Variants in SMG7 observed in about 807,000 individuals in gnomAD.
SMG7 encodes SMG7 nonsense mediated mRNA decay factor.
SMG7 carries 34 observed loss-of-function variants against 148.2 expected under a neutral mutation model. The observed-to-expected ratio is 0.23, with a 90% CI of 0.17 to 0.31. The LOEUF is 0.31. Ranked by LOEUF, SMG7 falls within the 10% of genes least tolerant of loss-of-function variation. SMG7 has a pLI of 1.00. For missense variants in SMG7, 1,114 were observed against 1,408.4 expected, an observed-to-expected ratio of 0.79 and a Z score of 3.35; for synonymous variants, 492 against 515.1, an observed-to-expected ratio of 0.96 and a Z score of 0.61.
intron 10 of SMG7, among the ~76,000 whole-genome samples, chr1:183,534,726 G>A (rs1346629186): frequency 6.6e-6 from 1 of 152,018 alleles, no homozygotes; most frequent in African/African-American, 2.4e-5. Flanking sequence ...TATTAGCCAG[G>A]CATTGTGGCA....
chr1:183,544,451 C>T lies in SMG7; in HGVS notation c.1941C>T (p.Ile647=), dbSNP rs1202552751. The T allele has an allele frequency of 1.2e-6, 2 of 1,613,966 alleles. No homozygotes were observed. The highest frequency in any genetic ancestry group is 3.3e-5 in the Admixed American group (2 of 60,028). ...TPTQASNSQF[I]PIHHPGAFPP... is the part of the protein sequence containing the mutation. ...CTCAAGCAAGTAACTCCCAGTTCAT[C>T]CCCATTCATCACCCTGGAGCCTTCC... The change falls in exon 15 of 23, where the codon ATC becomes ATT. Residue 647 remains isoleucine, a synonymous_variant. Coordinates refer to ENST00000688051, the MANE Select transcript of SMG7 (RefSeq NM_001375584.1).
chr1:183,500,989 A>T (rs1417406902), intron 1 of SMG7: 1 of 152,176 alleles, frequency 6.6e-6, no homozygotes, highest in Non-Finnish European at 1.5e-5. Flanking sequence ...GTGCGCATAG[A>T]CCTGCCACAT....
chr1:183,550,665 A>G (rs996040277), intron 20 of SMG7, 86 bp from the exon 21 acceptor site: 1 of 1,290,258 alleles, frequency 7.8e-7, no homozygotes, highest in Admixed American at 1.9e-5. Flanking sequence ...GTAGAATTTT[A>G]GTGATCAGAT....
intron 1 of SMG7, among the ~76,000 whole-genome samples, chr1:183,492,458 A>T (rs888371345): frequency 3.3e-5 from 5 of 152,188 alleles, no homozygotes; most frequent in Admixed American, 6.5e-5. Context: ...TGATGACCAC[A>T]ACTCTCTAGT....
chr1:183,517,624 A>AG, intron 3 of SMG7, 64 bp from the exon 4 acceptor site: 1 of 1,503,128 alleles, frequency 6.7e-7, no homozygotes, highest in Non-Finnish European at 9.3e-7. Flanking sequence ...TCTTGTTCTC[A>AG]GGGGGACCAG....
rs145944705 is a variant in SMG7 at position 183,515,048 on chromosome 1, T to C, written c.62-826T>C. On this transcript the variant is annotated intron_variant, in intron 2 of 22. Coordinates refer to ENST00000688051, the MANE Select transcript of SMG7 (RefSeq NM_001375584.1). ...GTTCACCTACTGAGGGAGTTTACTG[T>C]CAGTTATTGCAATCATAATCCCAGT... is the stretch of plus-strand genomic sequence containing the variant. Among the ~76,000 whole-genome samples the C allele has an allele frequency of 4.6e-5, 7 of 152,322 alleles. No individual in the cohort carries two copies. In the East Asian group the frequency reaches 1.3e-3, roughly 29 times the overall value.
chr1:183,476,924 A>G (rs1652339158), intron 1 of SMG7, among the ~76,000 whole-genome samples: 1 of 152,194 alleles, frequency 6.6e-6, no homozygotes, highest in Admixed American at 6.5e-5. Context: ...GAAAGGGTGT[A>G]TTGAATACAA....
intron 10 of SMG7, among the ~76,000 whole-genome samples, chr1:183,535,906 C>T (rs2102668322): frequency 6.6e-6 from 1 of 152,146 alleles, no homozygotes; most frequent in South Asian, 2.1e-4. Flanking sequence ...TAATCTGTTA[C>T]ATCTCCAAAG....
intron 1 of SMG7, among the ~76,000 whole-genome samples, chr1:183,491,097 A>G (rs947817299): frequency 3.9e-5 from 6 of 152,230 alleles, no homozygotes; most frequent in South Asian, 2.1e-4. Flanking sequence ...CTTGCAGTCA[A>G]TCTTAACTCT....
At chr1:183,529,204 A>G (rs1036106093) in intron 7 of SMG7, among the ~76,000 whole-genome samples, 162 bp downstream of exon 7, 8 of 152,294 alleles carry the variant, frequency 5.3e-5, no homozygotes, top group South Asian at 2.1e-4. Context: ...ATTTCATCCA[A>G]TCAATATCTG....
intron 4 of SMG7, among the ~76,000 whole-genome samples, chr1:183,521,851 C>T (rs1385495979): frequency 3.4e-5 from 4 of 117,076 alleles, no homozygotes; most frequent in African/African-American, 1.4e-4. Context: ...AGAGTGAGAC[C>T]TTGTCTCAAA....
At chr1:183,532,406 T>C (rs1332460831) in intron 8 of SMG7, among the ~76,000 whole-genome samples, 2 of 152,214 alleles carry the variant, frequency 1.3e-5, no homozygotes, top group African/African-American at 4.8e-5. Flanking sequence ...ATTGCAGATA[T>C]TAAAGTAGAA....
intron 12 of SMG7, among the ~76,000 whole-genome samples, chr1:183,540,778 A>C (rs542312206): frequency 6.6e-6 from 1 of 152,220 alleles, no homozygotes; most frequent in Non-Finnish European, 1.5e-5. Flanking sequence ...AATGTAATGA[A>C]TTTGTATATT....
intron 10 of SMG7, 33 bp downstream of exon 10, chr1:183,533,865 G>T (rs780972289): frequency 1.0e-5 from 16 of 1,574,126 alleles, no homozygotes; most frequent in Admixed American, 1.7e-5. Flanking sequence ...GTTAACTTGT[G>T]TGCTTTGTTT....
At chr1:183,480,836 C>G (rs1653924192) in intron 1 of SMG7, among the ~76,000 whole-genome samples, 1 of 152,168 alleles carries the variant, frequency 6.6e-6, no homozygotes, top group Non-Finnish European at 1.5e-5. Flanking sequence ...CTGCAAGCAT[C>G]AAGAAGGAAG....
At chr1:183,508,036 C>T (rs746713627) in intron 1 of SMG7, 62 of 250,114 alleles carry the variant, frequency 2.5e-4, no homozygotes, top group Non-Finnish European at 3.2e-4. Context: ...ATTCCTTCAG[C>T]TTAAAGAATT....
chr1:183,489,772 T>C (rs1656466550), intron 1 of SMG7, among the ~76,000 whole-genome samples: 1 of 152,334 alleles, frequency 6.6e-6, no homozygotes, highest in African/African-American at 2.4e-5. Context: ...CAACTTCTAT[T>C]CTCAATGGTT....
chr1:183,540,017 C>A (rs1258701883), intron 12 of SMG7, among the ~76,000 whole-genome samples: 2 of 152,170 alleles, frequency 1.3e-5, no homozygotes, highest in African/African-American at 4.8e-5. Context: ...CAGCACTATC[C>A]AGCTCCTAGT....
Position 183,544,981 on chromosome 1 carries a change from G to T in SMG7, c.2039G>T (p.Gly680Val). ...CCCCCGCCTGTGGCATTTTCTATGG[G>T]CTCAGGTTACACCTTCCCAGCTGGT... is the stretch of plus-strand genomic sequence containing the variant. ...VIPPPVAFSM[G>V]SGYTFPAGVS... Residue 680 changes from glycine to valine, a missense_variant, in exon 16 of 23, where the codon GGC becomes GTC. Gly to Val is a moderately radical substitution (Grantham distance 109, BLOSUM62 -3). Transcript: ENST00000688051. The T allele has an allele frequency of 4.3e-6, 7 of 1,613,490 alleles. No homozygotes were observed. The highest frequency in any genetic ancestry group is 5.9e-6 in the Non-Finnish European group (7 of 1,179,814).
Sources: allele counts gnomAD v4.1 joint callset (sites outside exome capture counted in the v4.1 genomes callset), GRCh38; gene constraint gnomAD v4.1.1; transcripts MANE v1.5; gene names NCBI Gene and HGNC (gene_info 2026-07-23, HGNC 2026-07-21).